PTPN11: variants seen among roughly 807,000 people sequenced by gnomAD.
PTPN11 encodes the protein protein tyrosine phosphatase non-receptor type 11, also known as tyrosine-protein phosphatase non-receptor type 11.
PTPN11 carries 6 observed loss-of-function variants against 78.8 expected under a neutral mutation model. That is an observed-to-expected ratio of 0.08 (90% CI 0.04 to 0.15). The LOEUF is 0.15. PTPN11 is among the 10% of genes least tolerant of loss of function. PTPN11 has a pLI of 1.00. For synonymous variants in PTPN11, 221 were observed against 263.5 expected, an observed-to-expected ratio of 0.84 and a Z score of 1.56; for missense variants, 386 against 744.8, an observed-to-expected ratio of 0.52 and a Z score of 5.61.
chr12:112,481,107 A>G (rs912412063), intron 9 of PTPN11, among the ~76,000 whole-genome samples: 1 of 152,218 alleles, frequency 6.6e-6, no homozygotes, highest in Non-Finnish European at 1.5e-5. Flanking sequence ...GGGTCTGGAT[A>G]TAGAAAAAGC....
intron 1 of PTPN11, among the ~76,000 whole-genome samples, chr12:112,439,508 G>A (rs1482865649): frequency 6.6e-6 from 1 of 151,868 alleles, no homozygotes; most frequent in East Asian, 1.9e-4. Flanking sequence ...TCGCTCTTTT[G>A]TTCAGGCTGG....
chr12:112,471,232 T>C (rs950882036), intron 6 of PTPN11, among the ~76,000 whole-genome samples: 4 of 152,210 alleles, frequency 2.6e-5, no homozygotes, highest in African/African-American at 9.6e-5. Context: ...TGTTTTTCCT[T>C]GTAGGACTCT....
At chr12:112,457,523 G>T (rs568034872) in intron 6 of PTPN11, 1 of 156,152 alleles carries the variant, frequency 6.4e-6, no homozygotes, top group South Asian at 1.8e-4. Flanking sequence ...AATCCTTTGG[G>T]TATATACCCA....
rs540873582 is a variant in PTPN11, at chr12:112,459,365, A to G, written c.756+3302A>G. On this transcript the variant is annotated intron_variant, in intron 6 of 15. Transcript: ENST00000351677. ...ACACCCAGCATTAACAACTGTTGAT[A>G]ATATGGCCAATCTTTTTCGACTCTG... Among the ~76,000 whole-genome samples, 4 of 152,276 alleles carry G rather than the reference A, an allele frequency of 2.6e-5. 1 individual carries two copies. In the South Asian group the frequency reaches 8.3e-4, roughly 32 times the overall value.
chr12:112,442,856 A>AAAAAT (rs1566162655), intron 1 of PTPN11, among the ~76,000 whole-genome samples: 1 of 97,826 alleles, frequency 1.0e-5, no homozygotes. Context: ...ATATATATAT[A>AAAAAT]TATATATATA....
At chr12:112,490,770 A>G (rs1359879654) in intron 13 of PTPN11, among the ~76,000 whole-genome samples, 1 of 152,220 alleles carries the variant, frequency 6.6e-6, no homozygotes, top group Non-Finnish European at 1.5e-5. Flanking sequence ...AAAAATGTGT[A>G]GGCTTCAATT....
At chr12:112,446,825 C>T (rs889723893) in intron 2 of PTPN11, among the ~76,000 whole-genome samples, 2 of 151,946 alleles carry the variant, frequency 1.3e-5, no homozygotes, top group Non-Finnish European at 2.9e-5. Flanking sequence ...AATCCTGCCT[C>T]GGCCTCCCAA....
At chr12:112,459,256 C>T (rs2038210488) in intron 6 of PTPN11, among the ~76,000 whole-genome samples, 1 of 152,028 alleles carries the variant, frequency 6.6e-6, no homozygotes, top group South Asian at 2.1e-4. Flanking sequence ...AATGGAAAGC[C>T]GATTGTTCCA....
rs766534578 is a variant in PTPN11 at position 112,489,183 on chromosome 12, C to T, written c.1599+8C>T. ...AGGATTGAAGAAGAGCAGGTACCAG[C>T]CTGAGGGCTGGCATGCGGATTCTCA... is the stretch of plus-strand genomic sequence containing the variant. On this transcript the variant is annotated splice_region_variant and intron_variant, in intron 13 of 15. Transcript: ENST00000351677. The T allele has an allele frequency of 1.9e-6, 3 of 1,614,170 alleles. No homozygotes were observed. The highest frequency in any genetic ancestry group is 2.2e-5 in the South Asian group (2 of 91,084).
rs1262896477 is a variant in PTPN11 at position 112,482,473 on chromosome 12, GC to G, written c.1224+270del. Among the ~76,000 whole-genome samples, 1 of 152,168 alleles carries G rather than the reference GC, an allele frequency of 6.6e-6. No homozygotes were observed. The highest frequency in any genetic ancestry group is 1.5e-5 in the Non-Finnish European group (1 of 68,032). The stretch of plus-strand genomic sequence containing the variant: ...TAACTGGCCAGGCGCCGTGGCTCAG[GC>G]CTGTAATCCCAGCACTTTGGGAGGC... On this transcript the variant is annotated intron_variant, in intron 10 of 15. Transcript: ENST00000351677. The surrounding 1 kb of genome is among the most constrained non-coding windows in gnomAD (Gnocchi z 4.4).
intron 3 of PTPN11, among the ~76,000 whole-genome samples, chr12:112,451,338 A>G (rs1046575849): frequency 6.6e-6 from 1 of 152,184 alleles, no homozygotes; most frequent in Middle Eastern, 3.2e-3. Flanking sequence ...TCAGTTGAGT[A>G]TGGATGAAGA....
At chr12:112,499,108 TC>T (rs2038844165) in intron 13 of PTPN11, among the ~76,000 whole-genome samples, 1 of 151,222 alleles carries the variant, frequency 6.6e-6, no homozygotes, top group Admixed American at 6.6e-5. Flanking sequence ...ACAAAAAACT[TC>T]AGAGATCTTC....
chr12:112,468,853 C>T (rs1328315848), intron 6 of PTPN11, among the ~76,000 whole-genome samples: 3 of 152,170 alleles, frequency 2.0e-5, no homozygotes, highest in African/African-American at 7.2e-5. Flanking sequence ...GGCTGGAGTC[C>T]TTGAGTGCGA....
In PTPN11 at chr12:112,506,578, A is replaced by G. The variant is rs1307534333; in HGVS notation, c.*786A>G. 2 of 152,126 alleles carry G rather than the reference A, an allele frequency of 1.3e-5. No individual in the cohort carries two copies. Among genetic ancestry groups the G allele is most frequent in the Admixed American group, 1.3e-4 (2 of 15,270 alleles). The allele number at this position is 152,126 out of a possible 1,614,324, so 9.4% of individuals were successfully genotyped here. On this transcript the variant is annotated 3_prime_UTR_variant, in exon 16 of 16. Transcript: ENST00000351677. ...CTTAGAAAAAAGGCGTCTATGAATGACCAGTGTTTTTGGTCGCCAAATGTT... is the reference window on the plus strand; with the variant it reads ...CTTAGAAAAAAGGCGTCTATGAATGGCCAGTGTTTTTGGTCGCCAAATGTT...
At chr12:112,473,409 G>A (rs1205810106) in intron 7 of PTPN11, among the ~76,000 whole-genome samples, 1 of 152,124 alleles carries the variant, frequency 6.6e-6, no homozygotes, top group South Asian at 2.1e-4. Flanking sequence ...TGAGTCCTGG[G>A]TAAGGCCTGC....
chr12:112,433,873 G>A (rs546625240), intron 1 of PTPN11, among the ~76,000 whole-genome samples: 2 of 152,266 alleles, frequency 1.3e-5, no homozygotes, highest in South Asian at 2.1e-4. Context: ...TGGAGGGATC[G>A]CTTGTGCCTG....
At chr12:112,484,160 C>T (rs1205243874) in intron 10 of PTPN11, among the ~76,000 whole-genome samples, 1 of 152,012 alleles carries the variant, frequency 6.6e-6, no homozygotes, top group Non-Finnish European at 1.5e-5. Flanking sequence ...AGGCCATCAA[C>T]AGACAATCAG....
intron 2 of PTPN11, among the ~76,000 whole-genome samples, chr12:112,448,061 C>G (rs564233136): frequency 9.9e-5 from 15 of 152,192 alleles, no homozygotes; most frequent in African/African-American, 3.6e-4. Context: ...CTTGGCTTCC[C>G]AAAGTGCTGG....
rs397507545 is a variant in PTPN11, at chr12:112,489,083, G to C, written c.1507G>C (p.Gly503Arg). 1.2e-6 allele frequency: 2 copies of C among 1,614,198 alleles called. No homozygotes were observed. Among genetic ancestry groups the C allele is most frequent in the Non-Finnish European group, 8.5e-7 (1 of 1,180,030 alleles). Residue 503 changes from glycine (G) to arginine (R), a missense_variant, in exon 13 of 16, where the codon GGG (glycine) becomes CGG (arginine). By Grantham distance (125) the Gly-to-Arg change is moderately radical. Around this residue, in one of 3 missense-constraint regions of PTPN11, gnomAD observed 63 missense variants for 182.2 expected, o/e 0.35. Transcript: ENST00000351677. ...TIQMVRSQRS[G>R]MVQTEAQYRF... ...CCAGATGGTGCGGTCTCAGAGGTCA[G>C]GGATGGTCCAGACAGAAGCACAGTA...
Sources: allele counts gnomAD v4.1 joint callset (sites outside exome capture counted in the v4.1 genomes callset), GRCh38; gene constraint gnomAD v4.1.1; regional missense constraint gnomAD v4.1.1; non-coding constraint Gnocchi (gnomAD v3.1); transcripts MANE v1.5; gene names NCBI Gene and HGNC (gene_info 2026-07-23, HGNC 2026-07-21).